Variants in PKHD1 observed in about 807,000 individuals in gnomAD.
PKHD1 encodes fibrocystin.
A neutral mutation model predicts 412.0 loss-of-function variants in PKHD1; 291 were observed. That is an observed-to-expected ratio of 0.71 (90% CI 0.64 to 0.78). The LOEUF (loss-of-function observed/expected upper bound fraction) is 0.78, where lower values mean the gene tolerates loss of function less well. PKHD1 is among the 30% of genes least tolerant of loss of function. The pLI is 0.00. For synonymous variants in PKHD1, 1,777 were observed against 1,821.5 expected, an observed-to-expected ratio of 0.98 and a Z score of 0.62; for missense variants, 4,825 against 4,950.7, an observed-to-expected ratio of 0.97 and a Z score of 0.76.
chr6:51,884,934 C>T (rs1304519742), intron 45 of PKHD1, among the ~76,000 whole-genome samples: 2 of 152,176 alleles, frequency 1.3e-5, no homozygotes, highest in Non-Finnish European at 2.9e-5. Flanking sequence ...AAATACATTT[C>T]GGACTCCACC....
At position 51,783,493 on chromosome 6, in the gene PKHD1, T is replaced by C. The variant is rs150428976; in HGVS notation, c.8441-7572A>G. Among the ~76,000 whole-genome samples the C allele has an allele frequency of 8.9e-4, 134 of 151,392 alleles. 1 individual carries two copies. Among genetic ancestry groups the C allele is most frequent in the African/African-American group, 3.0e-3 (125 of 41,428 alleles). On this transcript the variant is annotated intron_variant, in intron 53 of 66. Transcript: ENST00000371117. ...AAAAATATTAAAAGAAGATTTTTCA[T>C]TTGCAGTTTTAAAAGTACAATATTA...
rs1772545761 is a variant in PKHD1, at chr6:51,659,879, T to C, written c.10247A>G (p.Asp3416Gly). 6.2e-7 allele frequency: 1 copy of C among 1,613,404 alleles called. No homozygotes were observed. Among genetic ancestry groups the C allele is most frequent in the South Asian group, 1.1e-5 (1 of 91,076 alleles). The change falls in exon 61 of 67, where the codon GAT becomes GGT. Residue 3416 changes from aspartate (D) to glycine (G), a missense_variant. Transcript: ENST00000371117. ...AATTGCCCAAATGGCATCAGCGCTA[T>C]CAAGAATTAGGACCACTTGGTCAGT... Reference protein sequence around the residue: ...KQTDQVVLILDSADAIWAIQK... With the variant: ...KQTDQVVLILGSADAIWAIQK...
In PKHD1 at chr6:52,025,517, A is replaced by G; in HGVS notation, c.4293T>C (p.Cys1431=). The change falls in exon 32 of 67, where the codon TGT becomes TGC. Residue 1431 remains cysteine (C), a synonymous_variant. Transcript: ENST00000371117. ...TGTGGTCTCCCAAACTCAAAATCAC[A>G]CAAGTAAAAGGACCCGAGAGGTCAA... ...VRVDLSGPFT[C]VILSLGDHTI... 2.5e-6 allele frequency: 4 copies of G among 1,613,882 alleles called. No individual in the cohort carries two copies. Among genetic ancestry groups the G allele is most frequent in the Non-Finnish European group, 3.4e-6 (4 of 1,179,784 alleles).
chr6:51,656,977 G>A (rs959922125), intron 61 of PKHD1, among the ~76,000 whole-genome samples: 2 of 152,012 alleles, frequency 1.3e-5, no homozygotes, highest in Non-Finnish European at 2.9e-5. Context: ...GCTTTTGAAA[G>A]TAGCTAGTAC....
chr6:51,665,595 C>A (rs1380404148), intron 60 of PKHD1, among the ~76,000 whole-genome samples: 1 of 152,054 alleles, frequency 6.6e-6, no homozygotes, highest in African/African-American at 2.4e-5. Context: ...AAAGTAGGTT[C>A]TTTTATCTTT....
chr6:51,847,260 A>AC (rs1345629103), intron 50 of PKHD1, among the ~76,000 whole-genome samples: 1 of 100,010 alleles, frequency 1.0e-5, no homozygotes, highest in African/African-American at 4.0e-5. Flanking sequence ...CATGCCCAGC[A>AC]TTTTTTTTTT....
chr6:51,773,026 C>T (rs1790416610), intron 54 of PKHD1, among the ~76,000 whole-genome samples: 1 of 152,026 alleles, frequency 6.6e-6, no homozygotes, highest in Non-Finnish European at 1.5e-5. Context: ...TGCTACACCA[C>T]ATCACAATAA....
intron 60 of PKHD1, chr6:51,741,037 G>T: frequency 2.0e-6 from 1 of 511,612 alleles, no homozygotes; most frequent in Non-Finnish European, 3.9e-6. Context: ...ATAGTAAATC[G>T]TGTGTAATAT....
At chr6:51,833,793 G>A (rs941664799) in intron 51 of PKHD1, among the ~76,000 whole-genome samples, 1 of 152,050 alleles carries the variant, frequency 6.6e-6, no homozygotes. Flanking sequence ...AAAGATGTTG[G>A]GTCAGACCAT....
chr6:51,899,451 T>C lies in PKHD1; in HGVS notation c.6996+4146A>G, dbSNP rs564823138. 2.4e-3 allele frequency among the ~76,000 whole-genome samples: 370 copies of C among 152,184 alleles called. 3 individuals are homozygous for C. The highest frequency in any genetic ancestry group is 7.9e-3 in the African/African-American group (330 of 41,520). The stretch of plus-strand genomic sequence containing the variant: ...TCTCAATAGATGCAGAAAAGGCCTT[T>C]GACAAAATTCAACAACCCTTCATGC... On this transcript the variant is annotated intron_variant, in intron 43 of 66. Coordinates refer to ENST00000371117, the MANE Select transcript of PKHD1 (RefSeq NM_138694.4).
At chr6:51,895,219 C>G (rs1043635019) in intron 43 of PKHD1, among the ~76,000 whole-genome samples, 1 of 152,204 alleles carries the variant, frequency 6.6e-6, no homozygotes, top group Non-Finnish European at 1.5e-5. Context: ...TTTGGGAAGC[C>G]AAAGTGGGGA....
chr6:52,070,920 T>G (rs1810516419), intron 9 of PKHD1, 86 bp downstream of exon 9: 3 of 826,608 alleles, frequency 3.6e-6, no homozygotes, highest in South Asian at 1.3e-5. Flanking sequence ...ATTATCCTCA[T>G]GAGAACCAAT....
chr6:51,639,261 T>G (rs1375907024), intron 63 of PKHD1, among the ~76,000 whole-genome samples: 2 of 152,130 alleles, frequency 1.3e-5, no homozygotes, highest in Non-Finnish European at 2.9e-5. Flanking sequence ...AATTAGGAAA[T>G]AGGCTCATGA....
intron 60 of PKHD1, among the ~76,000 whole-genome samples, chr6:51,676,772 T>C (rs987937452): frequency 3.9e-5 from 6 of 152,198 alleles, no homozygotes; most frequent in Non-Finnish European, 5.9e-5. Flanking sequence ...GTAACTGTGA[T>C]CTTCCAAAGA....
intron 2 of PKHD1, among the ~76,000 whole-genome samples, chr6:52,084,052 T>C (rs569255579): frequency 1.3e-5 from 2 of 152,288 alleles, no homozygotes; most frequent in East Asian, 3.9e-4. Context: ...AGCATGGGCC[T>C]TAATCTATCC....
chr6:52,025,553 C>A lies in PKHD1; in HGVS notation c.4257G>T (p.Arg1419Ser), dbSNP rs577832997. The A allele has an allele frequency of 5.0e-6, 8 of 1,614,080 alleles. No homozygotes were observed. The highest frequency in any genetic ancestry group is 4.4e-5 in the South Asian group (4 of 91,094). The change falls in exon 32 of 67, where the codon AGG becomes AGT. Residue 1419 changes from arginine to serine, a missense_variant. Arg to Ser is a moderately radical substitution (Grantham distance 110). Transcript: ENST00000371117. ...VRGLLLNSRR[R>S]SVRVDLSGPF... is the part of the protein sequence containing the mutation. ...GACCCGAGAGGTCAACCCGAACTGA[C>A]CTCCTTCTAGAGTTAAGAAGCAACC...
In PKHD1 at chr6:51,746,668, G is replaced by A. The variant is rs544956022; in HGVS notation, c.9998+53C>T. On this transcript the variant is annotated intron_variant, in intron 59 of 66. Transcript: ENST00000371117. ...TCAAAAAACATGTTTAGGGTTTGAA[G>A]AATTGCCAAGTACTTCATAAATATG... 28 of 1,124,276 alleles carry A rather than the reference G, an allele frequency of 2.5e-5. No homozygotes were observed. The South Asian group carries it at 2.7e-4, about 11-fold the overall frequency. The allele number at this position is 1,124,276 out of a possible 1,614,324, so 69.6% of individuals were successfully genotyped here. A position where few individuals can be genotyped will look rare whatever the true frequency, so the allele number is the denominator to read the frequency against.
chr6:51,772,828 T>C (rs1790379576), intron 54 of PKHD1, 39 bp from the exon 55 acceptor site: 1 of 1,141,814 alleles, frequency 8.8e-7, no homozygotes, highest in South Asian at 1.2e-5. Context: ...AGAAAAATCC[T>C]TCAGAGGAAT....
At chr6:51,924,189 A>G (rs1785164992) in intron 37 of PKHD1, among the ~76,000 whole-genome samples, 1 of 152,204 alleles carries the variant, frequency 6.6e-6, no homozygotes, top group Non-Finnish European at 1.5e-5. Flanking sequence ...GATGATGCAT[A>G]TGGAAGAATT....
Sources: gnomAD v4.1 joint callset for allele counts (sites outside exome capture counted in the v4.1 genomes callset) on GRCh38, gnomAD v4.1.1 for gene constraint, MANE v1.5 for transcripts, NCBI Gene and HGNC (gene_info 2026-07-23, HGNC 2026-07-21) for gene names.